Variants in CAMKMT observed in about 807,000 individuals in gnomAD.
CAMKMT encodes calmodulin-lysine N-methyltransferase, also known as CaM KMT.
CAMKMT carries 53 observed loss-of-function variants against 48.0 expected under a neutral mutation model. That is an observed-to-expected ratio of 1.10 (90% CI 0.89 to 1.39). The LOEUF is 1.39. CAMKMT is among the 40% of genes most tolerant of loss of function. The pLI is 0.00. For synonymous variants in CAMKMT, 165 were observed against 152.3 expected (o/e 1.08, Z -0.61); for missense variants, 428 against 402.7 (o/e 1.06, Z -0.54).
At chr2:44,465,324 G>A (rs971808832) in intron 3 of CAMKMT, among the ~76,000 whole-genome samples, 13 of 152,218 alleles carry the variant, frequency 8.5e-5, no homozygotes, top group Admixed American at 2.0e-4. Flanking sequence ...CAGGCTGGAC[G>A]CAGTAGATCA....
chr2:44,525,602 A>G (rs1343353267), intron 3 of CAMKMT, among the ~76,000 whole-genome samples: 1 of 152,172 alleles, frequency 6.6e-6, no homozygotes, highest in Non-Finnish European at 1.5e-5. Context: ...TCACAGAATA[A>G]ATTTTAATTG....
intron 2 of CAMKMT, among the ~76,000 whole-genome samples, chr2:44,376,079 C>T (rs1009713725): frequency 3.3e-5 from 5 of 151,930 alleles, no homozygotes; most frequent in Admixed American, 1.3e-4. Flanking sequence ...TGAGCCACCA[C>T]GCCCAGCCTG....
At chr2:44,608,125 T>G (rs532472940) in intron 3 of CAMKMT, among the ~76,000 whole-genome samples, 5 of 144,770 alleles carry the variant, frequency 3.5e-5, no homozygotes, top group African/African-American at 1.0e-4. Flanking sequence ...CAGGCTGGAG[T>G]GCAGTGGCAG....
At chr2:44,587,456 C>T (rs1248745024) in intron 3 of CAMKMT, among the ~76,000 whole-genome samples, 1 of 147,802 alleles carries the variant, frequency 6.8e-6, no homozygotes, top group Non-Finnish European at 1.5e-5. Flanking sequence ...CTCCCCCTCC[C>T]CCTGTCCCTC....
At chr2:44,530,456 C>G (rs1232836514) in intron 3 of CAMKMT, among the ~76,000 whole-genome samples, 2 of 152,158 alleles carry the variant, frequency 1.3e-5, no homozygotes, top group African/African-American at 2.4e-5. Flanking sequence ...TAAGGCACTT[C>G]TAAAAGCATT....
At chr2:44,594,006 G>A (rs1269405276) in intron 3 of CAMKMT, among the ~76,000 whole-genome samples, 2 of 151,890 alleles carry the variant, frequency 1.3e-5, no homozygotes, top group African/African-American at 4.8e-5. Context: ...CAGGTGATCT[G>A]CCCACCTCAG....
At chr2:44,400,806 T>C (rs893367692) in intron 3 of CAMKMT, 17 of 151,466 alleles carry the variant, frequency 1.1e-4, no homozygotes, top group African/African-American at 4.1e-4. Context: ...TTTTGAAACA[T>C]ACTTATTTGA....
At chr2:44,544,935 AT>A (rs1558691565) in intron 3 of CAMKMT, among the ~76,000 whole-genome samples, 3 of 152,214 alleles carry the variant, frequency 2.0e-5, no homozygotes, top group Non-Finnish European at 2.9e-5. Context: ...ATTATAAATA[AT>A]TTTTTAAAGA....
chr2:44,578,300 G>A (rs1338841807), intron 3 of CAMKMT, among the ~76,000 whole-genome samples: 1 of 152,160 alleles, frequency 6.6e-6, no homozygotes, highest in African/African-American at 2.4e-5. Flanking sequence ...ATAATAATGA[G>A]GCTAATAATT....
intron 2 of CAMKMT, among the ~76,000 whole-genome samples, chr2:44,375,575 G>GA (rs1679604792): frequency 1.3e-5 from 2 of 152,188 alleles, no homozygotes; most frequent in Non-Finnish European, 1.5e-5. Flanking sequence ...GTGAGTTTTG[G>GA]AAATGATTTT....
At chr2:44,381,967 G>GT (rs1680289959) in intron 2 of CAMKMT, among the ~76,000 whole-genome samples, 1 of 133,520 alleles carries the variant, frequency 7.5e-6, no homozygotes, top group South Asian at 2.4e-4. Flanking sequence ...TTGAGATGGA[G>GT]TTTCGCTCTT....
At chr2:44,611,325 C>T (rs1047849188) in intron 3 of CAMKMT, among the ~76,000 whole-genome samples, 4 of 151,718 alleles carry the variant, frequency 2.6e-5, no homozygotes, top group African/African-American at 7.3e-5. Context: ...CCCAGCTACT[C>T]GGGAGGGTGA....
chr2:44,377,704 T>G (rs969076058), intron 2 of CAMKMT, among the ~76,000 whole-genome samples: 1 of 152,174 alleles, frequency 6.6e-6, no homozygotes, highest in African/African-American at 2.4e-5. Flanking sequence ...AATTGCTGAA[T>G]TAGAAGGCTA....
At chr2:44,736,763 T>G (rs1489228294) in intron 7 of CAMKMT, among the ~76,000 whole-genome samples, 1 of 152,178 alleles carries the variant, frequency 6.6e-6, no homozygotes, top group East Asian at 1.9e-4. Flanking sequence ...TAGTCTTCTC[T>G]TTTGCGGTGT....
intron 3 of CAMKMT, among the ~76,000 whole-genome samples, chr2:44,525,582 C>T (rs1452862071): frequency 6.6e-6 from 1 of 152,168 alleles, no homozygotes; most frequent in Non-Finnish European, 1.5e-5. Context: ...GAAAATATTA[C>T]TATACATTTT....
intron 3 of CAMKMT, among the ~76,000 whole-genome samples, chr2:44,608,754 C>T (rs1671439211): frequency 6.6e-5 from 10 of 152,090 alleles, no homozygotes; most frequent in Admixed American, 6.6e-4. Flanking sequence ...TAGGTTTCCT[C>T]CTCCTCCCTC....
chr2:44,750,416 C>T (rs1243615587), intron 8 of CAMKMT, among the ~76,000 whole-genome samples: 3 of 152,220 alleles, frequency 2.0e-5, no homozygotes, highest in Non-Finnish European at 4.4e-5. Flanking sequence ...CTTGGTCTCC[C>T]AAAGTGCTGG....
chr2:44,743,616 C>G lies in CAMKMT; in HGVS notation c.624-6C>G. 6.2e-7 allele frequency: 1 copy of G among 1,605,946 alleles called. No homozygotes were observed. Among genetic ancestry groups the G allele is most frequent in the Non-Finnish European group, 8.5e-7 (1 of 1,175,920 alleles). On this transcript the variant is annotated splice_polypyrimidine_tract_variant and splice_region_variant and intron_variant, in intron 7 of 10. Transcript: ENST00000378494. The stretch of plus-strand genomic sequence containing the variant: ...GTATAATTTTTAAAATCTTTTTCTC[C>G]TCAAGCGTTTTACGATGGGATAATG...
At chr2:44,564,176 CTTTT>C (rs10599009) in intron 3 of CAMKMT, among the ~76,000 whole-genome samples, 4 of 137,070 alleles carry the variant, frequency 2.9e-5, no homozygotes, top group Non-Finnish European at 4.7e-5. Context: ...TTGATCAGAA[CTTTT>C]TTTTTTTTTT....
Sources: allele counts gnomAD v4.1 joint callset (sites outside exome capture counted in the v4.1 genomes callset), GRCh38; gene constraint gnomAD v4.1.1; transcripts MANE v1.5; gene names NCBI Gene and HGNC (gene_info 2026-07-23, HGNC 2026-07-21).